Variants in HSPA1L observed in about 807,000 individuals in gnomAD.
HSPA1L encodes the protein heat shock protein family A (Hsp70) member 1 like, also known as heat shock 70 kDa protein 1-like.
Under a neutral mutation model 31.5 loss-of-function variants are expected in HSPA1L, and 21 were observed. That is an observed-to-expected ratio of 0.67 (90% confidence interval 0.47 to 0.96). The LOEUF is 0.96. Ranked by LOEUF, HSPA1L falls within the 40% of genes least tolerant of loss-of-function variation. HSPA1L has a pLI of 0.00. For missense variants in HSPA1L, 709 were observed against 813.4 expected (o/e 0.87, Z 1.56); for synonymous variants, 293 against 323.1 (o/e 0.91, Z 1.00).
At position 31,810,884 on chromosome 6, in the gene HSPA1L, C is replaced by G; in HGVS notation, c.1089G>C (p.Lys363Asn). 6.2e-7 allele frequency: 1 copy of G among 1,614,166 alleles called. No homozygotes were observed. The highest frequency in any genetic ancestry group is 8.5e-7 in the Non-Finnish European group (1 of 1,180,034). The change falls in exon 2 of 2, where the codon AAG (lysine) becomes AAC (asparagine). Residue 363 changes from lysine (K) to asparagine (N), a missense_variant. Transcript: ENST00000375654. ...CTACGGCCTCATCAGGGTTGATGCT[C>G]TTGTTGAGATCACGTCCATTGAAGT... ...QDYFNGRDLNKSINPDEAVAY... is the reference protein window; with the variant it reads ...QDYFNGRDLNNSINPDEAVAY...
At chr6:31,814,102 ATAAC>A (rs1165278898) in intron 1 of HSPA1L, among the ~76,000 whole-genome samples, 2 of 152,204 alleles carry the variant, frequency 1.3e-5, no homozygotes. Flanking sequence ...TCTGGAGCCA[ATAAC>A]TGATCAATAA....
rs776599600 is a variant in HSPA1L at position 31,810,247 on chromosome 6, A to C, written c.1726T>G (p.Cys576Gly). ...ESDKNKILDK[C>G]NELLSWLEVN... ...TCCAGCCACGAAAGGAGCTCGTTGC[A>C]TTTATCCAATATTTTATTTTTATCA... The change falls in exon 2 of 2, where the codon TGC (cysteine) becomes GGC (glycine). Residue 576 changes from cysteine (C) to glycine (G), a missense_variant. Cys to Gly is a radical substitution (Grantham distance 159). Transcript: ENST00000375654. 1 of 1,526,316 alleles carries C rather than the reference A, an allele frequency of 6.6e-7. No individual in the cohort carries two copies. Among genetic ancestry groups the C allele is most frequent in the Non-Finnish European group, 8.8e-7 (1 of 1,140,378 alleles). 94.5% of individuals were successfully genotyped at this position (1,526,316 alleles called of 1,614,324 possible). A position where few individuals can be genotyped will look rare whatever the true frequency, so the allele number is the denominator to read the frequency against.
chr6:31,811,752 CG>C lies in HSPA1L; in HGVS notation c.220del (p.Arg74ValfsTer2), dbSNP rs771276249. 5.0e-6 allele frequency: 8 copies of C among 1,614,178 alleles called. No individual in the cohort carries two copies. The highest frequency in any genetic ancestry group is 6.8e-6 in the Non-Finnish European group (8 of 1,180,040). On this transcript the variant is annotated frameshift_variant, in exon 2 of 2. Transcript: ENST00000375654. LOFTEE classifies it high-confidence loss of function. ...NPQNTVFDAK[R>X]LIGRKFNDPV... is the part of the protein sequence containing the mutation. ...ATCATTAAATTTCCTGCCGATCAGACGTTTAGCATCAAAAACAGTGTTCTGG... is the reference window on the plus strand; with the variant it reads ...ATCATTAAATTTCCTGCCGATCAGACTTTAGCATCAAAAACAGTGTTCTGG...
At position 31,814,894 on chromosome 6, in the gene HSPA1L, C is replaced by G; in HGVS notation, c.-19G>C. 1.0e-6 allele frequency: 1 copy of G among 985,634 alleles called. No homozygotes were observed. Among genetic ancestry groups the G allele is most frequent in the Non-Finnish European group, 1.2e-6 (1 of 830,126 alleles). 61.1% of individuals were successfully genotyped at this position (985,634 alleles called of 1,614,324 possible). A position where few individuals can be genotyped will look rare whatever the true frequency, so the allele number is the denominator to read the frequency against. On this transcript the variant is annotated 5_prime_UTR_variant, in exon 1 of 2. Coordinates refer to ENST00000375654, the MANE Select transcript of HSPA1L (RefSeq NM_005527.4). The stretch of plus-strand genomic sequence containing the variant: ...TCAGATCCCTACTGGCTCACCTAGT[C>G]TCCCGACGCCTTCGCTTCAGTTTGG...
chr6:31,813,371 T>C (rs2151464641), intron 1 of HSPA1L, among the ~76,000 whole-genome samples: 1 of 152,278 alleles, frequency 6.6e-6, no homozygotes, highest in South Asian at 2.1e-4. Context: ...TGGCATGATC[T>C]TGGCTCACTG....
chr6:31,812,013 T>G, intron 1 of HSPA1L, 28 bp from the exon 2 acceptor site: 1 of 1,597,538 alleles, frequency 6.3e-7, no homozygotes, highest in Non-Finnish European at 8.5e-7. Flanking sequence ...GATACTGTTT[T>G]GGGAGAGTGC....
chr6:31,811,874 G>A lies in HSPA1L; in HGVS notation c.99C>T (p.Asn33=), dbSNP rs770382651. 28 of 1,614,076 alleles carry A rather than the reference G, an allele frequency of 1.7e-5. No individual in the cohort carries two copies. The highest frequency in any genetic ancestry group is 1.9e-5 in the Non-Finnish European group (23 of 1,180,040). ...TGGGGGTGGTGCGGTTGCCCTGGTC[G>A]TTGGCGATGATCTCCACCTTGCCGT... ...FQHGKVEIIA[N]DQGNRTTPSY... is the part of the protein sequence containing the mutation. Residue 33 remains asparagine, a synonymous_variant, in exon 2 of 2, where the codon AAC becomes AAT. Coordinates refer to ENST00000375654, the MANE Select transcript of HSPA1L (RefSeq NM_005527.4).
rs747517130 is a variant in HSPA1L, at chr6:31,811,698, CAA to C, written c.273_274del (p.Trp92AlafsTer6). 2 of 1,614,136 alleles carry C rather than the reference CAA, an allele frequency of 1.2e-6. No homozygotes were observed. Among genetic ancestry groups the C allele is most frequent in the South Asian group, 2.2e-5 (2 of 91,084 alleles). On this transcript the variant is annotated frameshift_variant, in exon 2 of 2. Coordinates refer to ENST00000375654, the MANE Select transcript of HSPA1L (RefSeq NM_005527.4). LOFTEE classifies it high-confidence loss of function. The stretch of plus-strand genomic sequence containing the variant: ...TCCTTCATTAATCACTTGAAAAGGC[CAA>C]AGTTTCATATCTGCTTGTACAACAG...
intron 1 of HSPA1L, among the ~76,000 whole-genome samples, chr6:31,813,234 G>A (rs1385636178): frequency 6.6e-6 from 1 of 152,124 alleles, no homozygotes; most frequent in African/African-American, 2.4e-5. Flanking sequence ...ATGTGCACAG[G>A]TTTCATCCAT....
In HSPA1L at chr6:31,811,043, G is replaced by T; in HGVS notation, c.930C>A (p.Asp310Glu). ...CAGGCTCCAGGGTACCCCTAAACAG[G>T]TCTGCACACAACTCTTCAAATCGAG... Reference protein sequence around the residue: ...TRARFEELCADLFRGTLEPVE... With the variant: ...TRARFEELCAELFRGTLEPVE... Residue 310 changes from aspartate to glutamate, a missense_variant, in exon 2 of 2, where the codon GAC becomes GAA. Physicochemically the swap from Asp to Glu is conservative, Grantham distance 45. Transcript: ENST00000375654. 1 of 1,614,180 alleles carries T rather than the reference G, an allele frequency of 6.2e-7. No individual in the cohort carries two copies. The highest frequency in any genetic ancestry group is 8.5e-7 in the Non-Finnish European group (1 of 1,180,038).
intron 1 of HSPA1L, 52 bp downstream of exon 1, chr6:31,814,837 G>A (rs907371484): frequency 9.7e-6 from 9 of 930,482 alleles, no homozygotes; most frequent in Non-Finnish European, 6.4e-6. Context: ...TCCCAAACAA[G>A]GACCTACTGA....
rs142416335 is a variant in HSPA1L, at chr6:31,811,189, C to T, written c.784G>A (p.Val262Met). The T allele has an allele frequency of 2.2e-5, 35 of 1,614,070 alleles. No homozygotes were observed. The highest frequency in any genetic ancestry group is 3.3e-4 in the Middle Eastern group (2 of 6,082). Residue 262 changes from valine (V) to methionine (M), a missense_variant, in exon 2 of 2, where the codon GTG becomes ATG. Physicochemically the swap from Val to Met is conservative, Grantham distance 21 (BLOSUM62 1). Coordinates refer to ENST00000375654, the MANE Select transcript of HSPA1L (RefSeq NM_005527.4). Reference sequence around the variant, plus strand: ...TCGCAGGCGGTGCGCAGCCGCCTCACGGCTCGCTTGTTCTGGCTGATGTCC... The same window carrying T: ...TCGCAGGCGGTGCGCAGCCGCCTCATGGCTCGCTTGTTCTGGCTGATGTCC... ...KKDISQNKRA[V>M]RRLRTACERA...
In HSPA1L at chr6:31,810,186, T is replaced by TG; in HGVS notation, c.1786dup (p.His596ProfsTer2). On this transcript the variant is annotated frameshift_variant, in exon 2 of 2. Transcript: ENST00000375654. LOFTEE classifies it high-confidence loss of function. The stretch of plus-strand genomic sequence containing the variant: ...CATCTGCTCCAATTCCTTTCTCTTA[T>TG]GATCAAACTCATCTTTCTCTGCCAG... 6.5e-7 allele frequency: 1 copy of TG among 1,529,082 alleles called. No homozygotes were observed. The highest frequency in any genetic ancestry group is 8.7e-7 in the Non-Finnish European group (1 of 1,143,514). The allele number at this position is 1,529,082 out of a possible 1,614,324, so 94.7% of individuals were successfully genotyped here. A position where few individuals can be genotyped will look rare whatever the true frequency, so the allele number is the denominator to read the frequency against.
rs1815326932 is a variant in HSPA1L at position 31,810,458 on chromosome 6, G to C, written c.1515C>G (p.Ile505Met). The C allele has an allele frequency of 1.2e-6, 2 of 1,614,010 alleles. No homozygotes were observed. The highest frequency in any genetic ancestry group is 1.6e-4 in the Middle Eastern group (1 of 6,062). The change falls in exon 2 of 2, where the codon ATC (isoleucine) becomes ATG (methionine). Residue 505 changes from isoleucine (I) to methionine (M), a missense_variant. By Grantham distance (10) the Ile-to-Met change is conservative. Coordinates refer to ENST00000375654, the MANE Select transcript of HSPA1L (RefSeq NM_005527.4). ...TGCTCAGGCGGCCCTTGTCATTGGT[G>C]ATGGTGATCTTGTTCACCTTGCCGG... ...KSTGKVNKIT[I>M]TNDKGRLSKE...
chr6:31,813,547 C>T (rs534771527), intron 1 of HSPA1L, among the ~76,000 whole-genome samples: 13 of 152,236 alleles, frequency 8.5e-5, no homozygotes, highest in South Asian at 2.1e-4. Flanking sequence ...TTAAGTGATC[C>T]GCCCGCCTCG....
intron 1 of HSPA1L, among the ~76,000 whole-genome samples, chr6:31,813,964 G>A (rs1005572569): frequency 2.0e-5 from 3 of 152,142 alleles, no homozygotes; most frequent in African/African-American, 7.2e-5. Flanking sequence ...TCTATTAGGG[G>A]TTCACCGGCA....
chr6:31,810,069 G>T lies in HSPA1L; in HGVS notation c.1904C>A (p.Pro635His), dbSNP rs1815297439. Residue 635 changes from proline (P) to histidine (H), a missense_variant, in exon 2 of 2, where the codon CCC becomes CAC. By Grantham distance (77) the Pro-to-His change is moderately conservative. Transcript: ENST00000375654. ...GYVPGRPATG[P>H]TIEEVD ...GAATTAATCTACTTCTTCAATTGTG[G>T]GGCCTGTGGCAGGCCTTCCAGGCAC... The T allele has an allele frequency of 1.4e-6, 2 of 1,420,672 alleles. No homozygotes were observed. The highest frequency in any genetic ancestry group is 1.8e-6 in the Non-Finnish European group (2 of 1,086,116). 88.0% of individuals were successfully genotyped at this position (1,420,672 alleles called of 1,614,324 possible). A position where few individuals can be genotyped will look rare whatever the true frequency, so the allele number is the denominator to read the frequency against.
At position 31,815,184 on chromosome 6, in the gene HSPA1L, C is replaced by A; in HGVS notation, c.-309G>T. 1 of 233,490 alleles carries A rather than the reference C, an allele frequency of 4.3e-6. No homozygotes were observed. Among genetic ancestry groups the A allele is most frequent in the Non-Finnish European group, 7.7e-6 (1 of 129,146 alleles). 14.5% of individuals were successfully genotyped at this position (233,490 alleles called of 1,614,324 possible). On this transcript the variant is annotated 5_prime_UTR_variant, in exon 1 of 2. Transcript: ENST00000375654. Reference sequence around the variant, plus strand: ...CGCACCAGCCCCCTGCCCACAACTGCGCAGGCCCAGCAAGCCCCCACAATT... The same window carrying A: ...CGCACCAGCCCCCTGCCCACAACTGAGCAGGCCCAGCAAGCCCCCACAATT...
Position 31,810,321 on chromosome 6 carries a change from A to G in HSPA1L, c.1652T>C (p.Met551Thr), listed in dbSNP as rs1161163512. 2 of 1,588,830 alleles carry G rather than the reference A, an allele frequency of 1.3e-6. No individual in the cohort carries two copies. The highest frequency in any genetic ancestry group is 1.7e-6 in the Non-Finnish European group (2 of 1,169,658). The change falls in exon 2 of 2, where the codon ATG becomes ACG. Residue 551 changes from methionine (M) to threonine (T), a missense_variant. By Grantham distance (81) the Met-to-Thr change is moderately conservative. Transcript: ENST00000375654. ...KNALESYAFN[M>T]KSVVSDEGLK... ...ACCTTCATCACTCACAACACTCTTC[A>G]TGTTAAAAGCATAGGATTCTAAGGC...
Sources: gnomAD v4.1 joint callset for allele counts (sites outside exome capture counted in the v4.1 genomes callset) on GRCh38, gnomAD v4.1.1 for gene constraint, MANE v1.5 for transcripts, NCBI Gene and HGNC (gene_info 2026-07-23, HGNC 2026-07-21) for gene names.